GRK5: variants seen among roughly 807,000 people sequenced by gnomAD.
GRK5 encodes the protein G protein-coupled receptor kinase 5.
GRK5 carries 40 observed loss-of-function variants against 78.4 expected under a neutral mutation model. The observed-to-expected ratio is 0.51, with a 90% CI of 0.40 to 0.66. The LOEUF (loss-of-function observed/expected upper bound fraction) is 0.66. Ranked by LOEUF, GRK5 falls within the 30% of genes least tolerant of loss-of-function variation. The probability of loss-of-function intolerance (pLI) is 0.00; values close to 1 mark genes in which losing one functional copy is unlikely to be tolerated. For missense variants in GRK5, 598 were observed against 759.9 expected, an observed-to-expected ratio of 0.79 and a Z score of 2.50; for synonymous variants, 289 against 296.8, an observed-to-expected ratio of 0.97 and a Z score of 0.27.
intron 1 of GRK5, among the ~76,000 whole-genome samples, chr10:119,301,200 A>C (rs1220138226): frequency 6.6e-6 from 1 of 151,628 alleles, no homozygotes; most frequent in Admixed American, 6.6e-5. Context: ...CTAGTCAAGA[A>C]GCACGTCATC....
chr10:119,273,510 A>G (rs1012025715), intron 1 of GRK5, among the ~76,000 whole-genome samples: 1 of 152,196 alleles, frequency 6.6e-6, no homozygotes, highest in African/African-American at 2.4e-5. Flanking sequence ...TGCTAGCTTC[A>G]GACGCTCCAG....
At chr10:119,357,104 G>A (rs919495232) in intron 2 of GRK5, among the ~76,000 whole-genome samples, 13 of 152,268 alleles carry the variant, frequency 8.5e-5, no homozygotes, top group African/African-American at 2.7e-4. Context: ...GAGCCCAAGC[G>A]AAGTGAAGTG....
At chr10:119,280,874 G>T (rs868190116) in intron 1 of GRK5, among the ~76,000 whole-genome samples, 5 of 151,526 alleles carry the variant, frequency 3.3e-5, no homozygotes, top group Admixed American at 6.6e-5. Flanking sequence ...CTGCCTCCCG[G>T]GTTCAAGCAA....
chr10:119,225,165 AAT>A (rs1375002432), intron 1 of GRK5, among the ~76,000 whole-genome samples: 1 of 152,236 alleles, frequency 6.6e-6, no homozygotes, highest in African/African-American at 2.4e-5. Flanking sequence ...AAGAAAGGCA[AAT>A]GCATGATTCT....
chr10:119,250,644 TG>T, intron 1 of GRK5, among the ~76,000 whole-genome samples: 1 of 151,874 alleles, frequency 6.6e-6, no homozygotes, highest in African/African-American at 2.4e-5. Context: ...CCACTGTGCC[TG>T]GCCCTACACC....
intron 2 of GRK5, among the ~76,000 whole-genome samples, chr10:119,376,192 C>T (rs1031463128): frequency 9.9e-5 from 15 of 152,158 alleles, no homozygotes; most frequent in African/African-American, 3.4e-4. Flanking sequence ...AGCTCAGTGC[C>T]CTGCAGCTTA....
At chr10:119,401,708 C>A (rs968151987) in intron 4 of GRK5, among the ~76,000 whole-genome samples, 4 of 152,218 alleles carry the variant, frequency 2.6e-5, no homozygotes, top group Non-Finnish European at 5.9e-5. Flanking sequence ...TCCCCACCTT[C>A]TCCGTGCCTT....
In GRK5 at chr10:119,326,613, T is replaced by A. The variant is rs1261002057; in HGVS notation, c.148+2T>A. The A allele has an allele frequency of 1.2e-6, 2 of 1,608,734 alleles. No homozygotes were observed. Among genetic ancestry groups the A allele is most frequent in the Non-Finnish European group, 1.7e-6 (2 of 1,175,174 alleles). On this transcript the variant is annotated splice_donor_variant, in intron 2 of 15. Transcript: ENST00000392870. LOFTEE classifies it high-confidence loss of function. The stretch of plus-strand genomic sequence containing the variant: ...GTGAAGACCTCCGAAGGACCATAGG[T>A]AAGCTGTCCTGCCTGGGGGCTGTGC...
chr10:119,320,790 G>C (rs1423624992), intron 1 of GRK5, among the ~76,000 whole-genome samples: 1 of 152,244 alleles, frequency 6.6e-6, no homozygotes, highest in Non-Finnish European at 1.5e-5. Context: ...TGGGTGGTCA[G>C]GCCTGGGAAC....
At position 119,266,789 on chromosome 10, in the gene GRK5, T is replaced by A. The variant is rs1369032107; in HGVS notation, c.52+58820T>A. ...GGGGGAAGAGTTTTTTTTTTTTTTTTATGGAGACAGGGTCTTGCTCTGTTG... is the reference window on the plus strand; with the variant it reads ...GGGGGAAGAGTTTTTTTTTTTTTTTAATGGAGACAGGGTCTTGCTCTGTTG... On this transcript the variant is annotated intron_variant, in intron 1 of 15. Transcript: ENST00000392870. 2.0e-5 allele frequency among the ~76,000 whole-genome samples: 3 copies of A among 151,156 alleles called. No individual in the cohort carries two copies. The East Asian group carries it at 5.8e-4, about 29-fold the overall frequency.
In GRK5 at chr10:119,443,719, G is replaced by A; in HGVS notation, c.1233G>A (p.Lys411=). 4 of 1,608,112 alleles carry A rather than the reference G, an allele frequency of 2.5e-6. No individual in the cohort carries two copies. The highest frequency in any genetic ancestry group is 2.2e-5 in the South Asian group (2 of 90,980). ...AGACGGAGGAGGTGTACTCCCACAA[G>A]TTCTCCGAGGAGGCCAAGTCCATCT... ...VLETEEVYSH[K]FSEEAKSICK... The change falls in exon 12 of 16, where the codon AAG becomes AAA. Residue 411 remains lysine, a synonymous_variant. Coordinates refer to ENST00000392870, the MANE Select transcript of GRK5 (RefSeq NM_005308.3).
At chr10:119,261,388 G>C (rs984772546) in intron 1 of GRK5, among the ~76,000 whole-genome samples, 1 of 148,860 alleles carries the variant, frequency 6.7e-6, no homozygotes, top group Non-Finnish European at 1.5e-5. Context: ...GATGGCGGCC[G>C]GGCAGAGACG....
chr10:119,416,924 G>T (rs1425270222), intron 4 of GRK5, among the ~76,000 whole-genome samples: 1 of 152,126 alleles, frequency 6.6e-6, no homozygotes, highest in Non-Finnish European at 1.5e-5. Context: ...CTCAGTTGTT[G>T]TTGCAGAGGC....
intron 2 of GRK5, chr10:119,333,633 C>A: frequency 2.5e-6 from 1 of 398,304 alleles, no homozygotes. Flanking sequence ...AGCCAGTACT[C>A]AAGGCAGGGA....
intron 2 of GRK5, among the ~76,000 whole-genome samples, chr10:119,368,267 C>T (rs1420377201): frequency 6.6e-6 from 1 of 152,250 alleles, no homozygotes; most frequent in Non-Finnish European, 1.5e-5. Flanking sequence ...GAAATGAAAG[C>T]CAGGGCTCCT....
At chr10:119,259,666 A>G (rs1023309476) in intron 1 of GRK5, among the ~76,000 whole-genome samples, 8 of 152,306 alleles carry the variant, frequency 5.3e-5, no homozygotes, top group East Asian at 1.9e-4. Flanking sequence ...GCGCTGTCCA[A>G]TGGAACCTTC....
intron 1 of GRK5, among the ~76,000 whole-genome samples, chr10:119,276,853 A>G (rs1255859149): frequency 6.6e-6 from 1 of 152,206 alleles, no homozygotes; most frequent in Non-Finnish European, 1.5e-5. Context: ...ACCTGAACTC[A>G]AGTCTTAACT....
rs1849579318 is a variant in GRK5, at chr10:119,271,263, C to A, written c.53-55253C>A. 6.6e-6 allele frequency among the ~76,000 whole-genome samples: 1 copy of A among 152,194 alleles called. No individual in the cohort carries two copies. The highest frequency in any genetic ancestry group is 1.5e-5 in the Non-Finnish European group (1 of 68,026). On this transcript the variant is annotated intron_variant, in intron 1 of 15. Coordinates refer to ENST00000392870, the MANE Select transcript of GRK5 (RefSeq NM_005308.3). The surrounding 1 kb of genome is among the most constrained non-coding windows in gnomAD (Gnocchi z 4.1). ...ATTCAGAGAGGCCCTCTCAGACACG[C>A]CTGGCCTCTTTAGAGGCTCTCTCAT... is the stretch of plus-strand genomic sequence containing the variant.
rs1481160918 is a variant in GRK5, at chr10:119,231,232, AC to A, written c.52+23264del. 7.2e-5 allele frequency among the ~76,000 whole-genome samples: 11 copies of A among 152,340 alleles called. No individual in the cohort carries two copies. In the South Asian group the frequency reaches 8.3e-4, roughly 11 times the overall value. ...ACTCAAACATCTCAACAGGAAAAAA[AC>A]ATTCCTATTAAAAAATGGGCAGATG... On this transcript the variant is annotated intron_variant, in intron 1 of 15. Coordinates refer to ENST00000392870, the MANE Select transcript of GRK5 (RefSeq NM_005308.3).
Sources: allele counts gnomAD v4.1 joint callset (sites outside exome capture counted in the v4.1 genomes callset), GRCh38; gene constraint gnomAD v4.1.1; non-coding constraint Gnocchi (gnomAD v3.1); transcripts MANE v1.5; gene names NCBI Gene and HGNC (gene_info 2026-07-23, HGNC 2026-07-21).